Variants in YWHAE observed in about 807,000 individuals in gnomAD.
The protein encoded by YWHAE is 14-3-3 protein epsilon.
YWHAE carries 4 observed loss-of-function variants against 30.1 expected under a neutral mutation model. That is an observed-to-expected ratio of 0.13 (90% confidence interval 0.07 to 0.30). The LOEUF (loss-of-function observed/expected upper bound fraction) is 0.30. Ranked by LOEUF, YWHAE falls within the 10% of genes least tolerant of loss-of-function variation. YWHAE has a pLI of 1.00. For missense variants in YWHAE, 121 were observed against 315.9 expected, an observed-to-expected ratio of 0.38 and a Z score of 4.68; for synonymous variants, 118 against 111.8, an observed-to-expected ratio of 1.06 and a Z score of -0.35.
chr17:1,370,275 C>G (rs539070165), intron 1 of YWHAE, among the ~76,000 whole-genome samples: 1 of 151,484 alleles, frequency 6.6e-6, no homozygotes, highest in African/African-American at 2.4e-5. Flanking sequence ...CACAGGCGCC[C>G]GTCACCATGC....
At chr17:1,367,639 G>A (rs948548668) in intron 1 of YWHAE, among the ~76,000 whole-genome samples, 3 of 152,116 alleles carry the variant, frequency 2.0e-5, no homozygotes, top group Non-Finnish European at 2.9e-5. Flanking sequence ...ATGACAAAGC[G>A]AGAGACTCTG....
chr17:1,372,880 G>A, intron 1 of YWHAE, among the ~76,000 whole-genome samples: 1 of 152,122 alleles, frequency 6.6e-6, no homozygotes, highest in South Asian at 2.1e-4. Flanking sequence ...TGGAGCCTGG[G>A]AGGTCAAGGC....
chr17:1,366,687 A>C (rs1292035805), intron 1 of YWHAE, among the ~76,000 whole-genome samples: 2 of 152,144 alleles, frequency 1.3e-5, no homozygotes, highest in African/African-American at 4.8e-5. Flanking sequence ...TCACACCTGT[A>C]ATCTCAGCAC....
intron 1 of YWHAE, among the ~76,000 whole-genome samples, chr17:1,379,890 C>T (rs2073178839): frequency 6.6e-6 from 1 of 152,124 alleles, no homozygotes; most frequent in Non-Finnish European, 1.5e-5. Flanking sequence ...GGTGAAAGAA[C>T]CAGAATGCTG....
intron 1 of YWHAE, among the ~76,000 whole-genome samples, chr17:1,382,660 A>G (rs929675316): frequency 3.9e-5 from 6 of 151,924 alleles, no homozygotes; most frequent in African/African-American, 1.4e-4. Flanking sequence ...ACGCCTGGCC[A>G]GTAGTTTTCA....
At chr17:1,392,122 C>A (rs997841711) in intron 1 of YWHAE, among the ~76,000 whole-genome samples, 1 of 151,990 alleles carries the variant, frequency 6.6e-6, no homozygotes, top group Non-Finnish European at 1.5e-5. Flanking sequence ...GGGGTCAAAG[C>A]TGCAGTGAGC....
At chr17:1,390,478 C>T (rs2073373258) in intron 1 of YWHAE, among the ~76,000 whole-genome samples, 3 of 152,056 alleles carry the variant, frequency 2.0e-5, no homozygotes, top group African/African-American at 7.2e-5. Context: ...ATTATCTGAC[C>T]TTTCACATTA....
At chr17:1,345,761 C>T (rs1181440377) in intron 5 of YWHAE, among the ~76,000 whole-genome samples, 2 of 152,176 alleles carry the variant, frequency 1.3e-5, no homozygotes, top group African/African-American at 2.4e-5. Context: ...TAAATAAGCT[C>T]TTGACGTAGA....
intron 1 of YWHAE, among the ~76,000 whole-genome samples, chr17:1,380,111 CTTTTTTTT>C (rs34413137): frequency 2.1e-4 from 26 of 121,880 alleles, no homozygotes; most frequent in Middle Eastern, 4.0e-3. Flanking sequence ...GAAGACTAGA[CTTTTTTTT>C]TTTTTTTTTT....
intron 4 of YWHAE, among the ~76,000 whole-genome samples, chr17:1,354,964 GTTTTTTTT>G (rs56351171): frequency 0.028 from 2,050 of 74,458 alleles, 49 homozygotes; most frequent in African/African-American, 0.07. Context: ...GCCCAGCCTA[GTTTTTTTT>G]TTTTTTTTTT....
intron 4 of YWHAE, among the ~76,000 whole-genome samples, chr17:1,358,300 C>T (rs1055308817): frequency 2.6e-5 from 4 of 152,046 alleles, no homozygotes; most frequent in Admixed American, 6.6e-5. Flanking sequence ...AGTGCAGTGG[C>T]GTGATCTTGG....
intron 1 of YWHAE, among the ~76,000 whole-genome samples, chr17:1,385,089 C>T (rs1843599967): frequency 7.0e-6 from 1 of 142,820 alleles, no homozygotes; most frequent in African/African-American, 2.7e-5. Flanking sequence ...CACTCCTTGG[C>T]TGAAGCTCAC....
At chr17:1,352,496 A>G (rs2072651249) in intron 5 of YWHAE, among the ~76,000 whole-genome samples, 1 of 151,416 alleles carries the variant, frequency 6.6e-6, no homozygotes, top group South Asian at 2.1e-4. Flanking sequence ...AACGCGACAT[A>G]TGTTTTATGT....
rs547324835 is a variant in YWHAE at position 1,367,729 on chromosome 17, ACAT to A, written c.65-2674_65-2672del. On this transcript the variant is annotated intron_variant, in intron 1 of 5. Coordinates refer to ENST00000264335, the MANE Select transcript of YWHAE (RefSeq NM_006761.5). ...GCAACAATATGGAAGAATCTGAAAA[ACAT>A]CATATTAAGTGAAAAGAGTCAGATT... Among the ~76,000 whole-genome samples, 504 of 152,292 alleles carry A rather than the reference ACAT, an allele frequency of 3.3e-3. 2 individuals carry two copies. The highest frequency in any genetic ancestry group is 0.011 in the African/African-American group (452 of 41,560).
chr17:1,387,714 C>A (rs2073319957), intron 1 of YWHAE, among the ~76,000 whole-genome samples: 1 of 151,978 alleles, frequency 6.6e-6, no homozygotes, highest in Non-Finnish European at 1.5e-5. Flanking sequence ...TTTCTACCTC[C>A]CGAGTTCAAG....
intron 1 of YWHAE, among the ~76,000 whole-genome samples, chr17:1,384,739 C>A (rs1567980879): frequency 6.6e-6 from 1 of 151,900 alleles, no homozygotes; most frequent in Admixed American, 6.6e-5. Context: ...GAGTTTTTCT[C>A]TTGTTGCTCA....
At chr17:1,348,364 C>T (rs906095984) in intron 5 of YWHAE, among the ~76,000 whole-genome samples, 2 of 152,092 alleles carry the variant, frequency 1.3e-5, no homozygotes, top group Admixed American at 1.3e-4. Flanking sequence ...GGTGAAGAGA[C>T]TAAAATCACT....
chr17:1,361,214 A>G lies in YWHAE; in HGVS notation c.456T>C (p.Tyr152=). 1.2e-6 allele frequency: 2 copies of G among 1,614,072 alleles called. No homozygotes were observed. Among genetic ancestry groups the G allele is most frequent in the Non-Finnish European group, 1.7e-6 (2 of 1,180,008 alleles). The part of the protein sequence containing the change: ...KEAAENSLVA[Y]KAASDIAMTE... ...TCATTGCAATATCACTAGCAGCTTT[A>G]TAAGCCACTAGGCTGTTCTCCGCAG... Residue 152 remains tyrosine, a synonymous_variant, in exon 4 of 6, where the codon TAT becomes TAC. Transcript: ENST00000264335.
intron 1 of YWHAE, among the ~76,000 whole-genome samples, chr17:1,380,915 T>C (rs2073196511): frequency 6.6e-6 from 1 of 152,190 alleles, no homozygotes; most frequent in Non-Finnish European, 1.5e-5. Flanking sequence ...CAATCCCTTG[T>C]TCCCCTTCTC....
Sources: gnomAD v4.1 joint callset for allele counts (sites outside exome capture counted in the v4.1 genomes callset) on GRCh38, gnomAD v4.1.1 for gene constraint, MANE v1.5 for transcripts, NCBI Gene and HGNC (gene_info 2026-07-23, HGNC 2026-07-21) for gene names.